Variants in PACRG observed in about 807,000 individuals in gnomAD.
PACRG encodes parkin coregulated gene protein.
Under a neutral mutation model 29.7 loss-of-function variants are expected in PACRG, and 29 were observed. The ratio of observed to expected loss-of-function variants is 0.98; its 90% CI spans 0.73 to 1.33. The LOEUF is 1.33. PACRG is among the 40% of genes most tolerant of loss of function. PACRG has a pLI of 0.00. For missense variants in PACRG, 279 were observed against 316.2 expected, an observed-to-expected ratio of 0.88 and a Z score of 0.89; for synonymous variants, 116 against 118.7, an observed-to-expected ratio of 0.98 and a Z score of 0.15.
intron 1 of PACRG, among the ~76,000 whole-genome samples, chr6:162,738,385 G>A (rs1054488434): frequency 3.3e-5 from 5 of 152,170 alleles, no homozygotes; most frequent in Non-Finnish European, 7.4e-5. Flanking sequence ...TACGTAAGAC[G>A]TTCAGATGTG....
In PACRG at chr6:163,254,979, G is replaced by A. The variant is rs189586287; in HGVS notation, c.614-59848G>A. Among the ~76,000 whole-genome samples, 70 of 152,256 alleles carry A rather than the reference G, an allele frequency of 4.6e-4. No homozygotes were observed. In the South Asian group the frequency reaches 9.7e-3, roughly 21 times the overall value. On this transcript the variant is annotated intron_variant, in intron 4 of 4. Coordinates refer to ENST00000366888, the MANE Select transcript of PACRG (RefSeq NM_001080379.2). ...ATTACACAAGCCACGGGCTTTCTAC[G>A]TCAGGTTCTCCCTTACACGTGAAAC... is the stretch of plus-strand genomic sequence containing the variant.
chr6:162,947,302 A>ATC (rs1554312822), intron 2 of PACRG, among the ~76,000 whole-genome samples: 7 of 111,748 alleles, frequency 6.3e-5, no homozygotes, highest in African/African-American at 1.4e-4. Context: ...ATAATCATAT[A>ATC]ATATATATAA....
chr6:162,904,451 G>A (rs1013672376), intron 2 of PACRG, among the ~76,000 whole-genome samples: 3 of 149,102 alleles, frequency 2.0e-5, no homozygotes, highest in Non-Finnish European at 3.0e-5. Flanking sequence ...CTGGGAGCAC[G>A]TGGAGTGAGG....
chr6:163,192,036 G>A (rs1294113560), intron 4 of PACRG: 1 of 248,520 alleles, frequency 4.0e-6, no homozygotes, highest in African/African-American at 2.3e-5. Flanking sequence ...TCACACAAAG[G>A]ATGTCACAAG....
chr6:162,914,501 C>CTT (rs1584744159), intron 2 of PACRG, among the ~76,000 whole-genome samples: 7 of 73,202 alleles, frequency 9.6e-5, no homozygotes, highest in South Asian at 4.8e-4. Flanking sequence ...AAGTTTTGTA[C>CTT]TTTTTTGTTT....
At chr6:162,772,951 T>C (rs1264723248) in intron 1 of PACRG, among the ~76,000 whole-genome samples, 1 of 152,156 alleles carries the variant, frequency 6.6e-6, no homozygotes, top group Non-Finnish European at 1.5e-5. Flanking sequence ...GAGATATTGG[T>C]GGAATTGCAG....
rs1454836057 is a variant in PACRG, at chr6:163,062,285, C to T, written c.427C>T (p.Leu143=). The T allele has an allele frequency of 6.2e-7, 1 of 1,613,936 alleles. No individual in the cohort carries two copies. The highest frequency in any genetic ancestry group is 1.1e-5 in the South Asian group (1 of 91,034). Reference sequence around the variant, plus strand: ...GCTGGAACACGGTGGGAACAAGATCCTACCTGTCCTTCCACAGCTCATTAT... The same window carrying T: ...GCTGGAACACGGTGGGAACAAGATCTTACCTGTCCTTCCACAGCTCATTAT... The part of the protein sequence containing the change: ...DMLEHGGNKI[L]PVLPQLIIPI... The change falls in exon 3 of 5, where the codon CTA becomes TTA. Residue 143 remains leucine (L), a synonymous_variant. Transcript: ENST00000366888.
rs900842451 is a variant in PACRG, at chr6:162,888,100, C to T, written c.291+73819C>T. Among the ~76,000 whole-genome samples, 17 of 151,910 alleles carry T rather than the reference C, an allele frequency of 1.1e-4. No homozygotes were observed. The East Asian group carries it at 1.4e-3, about 12-fold the overall frequency. Reference sequence around the variant, plus strand: ...CTCATATGCTGGTGAGCATGGGCTGCGGGGTCTCGTCCTCATCTGGGGTGT... The same window carrying T: ...CTCATATGCTGGTGAGCATGGGCTGTGGGGTCTCGTCCTCATCTGGGGTGT... On this transcript the variant is annotated intron_variant, in intron 2 of 4. Transcript: ENST00000366888.
chr6:163,000,977 C>A (rs891194385), intron 2 of PACRG, among the ~76,000 whole-genome samples: 2 of 152,154 alleles, frequency 1.3e-5, no homozygotes, highest in East Asian at 3.9e-4. Flanking sequence ...TCCTGAGAAG[C>A]TGATGGCCAT....
chr6:162,845,207 T>G (rs58540748), intron 2 of PACRG, among the ~76,000 whole-genome samples: 400 of 152,246 alleles, frequency 2.6e-3, no homozygotes, highest in African/African-American at 9.0e-3. Context: ...TAAAAATACT[T>G]CAGACAAAAT....
chr6:163,259,218 C>A (rs923931391), intron 4 of PACRG, among the ~76,000 whole-genome samples: 1 of 152,194 alleles, frequency 6.6e-6, no homozygotes, highest in Admixed American at 6.5e-5. Context: ...TGACTCAACA[C>A]CCAGCAACTA....
At position 162,947,441 on chromosome 6, in the gene PACRG, T is replaced by TC. The variant is rs1562766231; in HGVS notation, c.292-114709_292-114708insC. Among the ~76,000 whole-genome samples the TC allele has an allele frequency of 1.3e-4, 6 of 45,434 alleles. No individual in the cohort carries two copies. In the South Asian group the frequency reaches 3.6e-3, roughly 28 times the overall value. The allele number at this position is 45,434 out of a possible 152,430, so 29.8% of individuals were successfully genotyped here. On this transcript the variant is annotated intron_variant, in intron 2 of 4. Transcript: ENST00000366888. ...CATACATAAAATCATATATATAAAA[T>TC]ATATATAATCATATATATAATCATA...
intron 2 of PACRG, among the ~76,000 whole-genome samples, chr6:163,018,894 T>C (rs538755930): frequency 2.6e-5 from 4 of 152,336 alleles, no homozygotes; most frequent in Non-Finnish European, 5.9e-5. Flanking sequence ...TCATCACTCT[T>C]TTGATTTTCA....
At chr6:163,043,930 A>G (rs890665406) in intron 2 of PACRG, among the ~76,000 whole-genome samples, 15 of 152,236 alleles carry the variant, frequency 9.9e-5, no homozygotes, top group South Asian at 2.1e-4. Flanking sequence ...AAGAGTCAGA[A>G]GTGGCGAGGC....
At chr6:162,844,330 C>T (rs530519201) in intron 2 of PACRG, among the ~76,000 whole-genome samples, 13 of 152,266 alleles carry the variant, frequency 8.5e-5, no homozygotes, top group African/African-American at 2.9e-4. Context: ...GTCCGAAAAG[C>T]GCAATATTCG....
At chr6:162,966,129 ACT>A (rs1800999869) in intron 2 of PACRG, among the ~76,000 whole-genome samples, 1 of 152,252 alleles carries the variant, frequency 6.6e-6, no homozygotes, top group Non-Finnish European at 1.5e-5. Flanking sequence ...TTGCCTGGAC[ACT>A]GTTGAGAAGG....
intron 1 of PACRG, among the ~76,000 whole-genome samples, chr6:162,767,413 T>G (rs1168937813): frequency 6.6e-6 from 1 of 151,932 alleles, no homozygotes; most frequent in African/African-American, 2.4e-5. Context: ...TCTTAAAGTG[T>G]TTCTTCTTCC....
At chr6:162,844,889 G>A (rs1271791491) in intron 2 of PACRG, among the ~76,000 whole-genome samples, 1 of 152,148 alleles carries the variant, frequency 6.6e-6, no homozygotes, top group Non-Finnish European at 1.5e-5. Flanking sequence ...AGAAGCAGAA[G>A]TCCACTATGC....
At chr6:163,073,224 A>G (rs959074099) in intron 3 of PACRG, among the ~76,000 whole-genome samples, 1 of 152,064 alleles carries the variant, frequency 6.6e-6, no homozygotes, top group Admixed American at 6.6e-5. Context: ...TGGCATAAAA[A>G]ACAGAAGCAC....
Sources: gnomAD v4.1 joint callset for allele counts (sites outside exome capture counted in the v4.1 genomes callset) on GRCh38, gnomAD v4.1.1 for gene constraint, MANE v1.5 for transcripts, NCBI Gene and HGNC (gene_info 2026-07-23, HGNC 2026-07-21) for gene names.